Variants in RABGAP1L observed in about 807,000 individuals in gnomAD.
RABGAP1L encodes the protein rab GTPase-activating protein 1-like.
Under a neutral mutation model 137.7 loss-of-function variants are expected in RABGAP1L, and 63 were observed. That is an observed-to-expected ratio of 0.46 (90% CI 0.37 to 0.56). The LOEUF (loss-of-function observed/expected upper bound fraction) is 0.56, where lower values mean the gene tolerates loss of function less well. RABGAP1L is among the 20% of genes least tolerant of loss of function. The probability of loss-of-function intolerance (pLI) is 0.00; values close to 1 mark genes in which losing one functional copy is unlikely to be tolerated. For missense variants in RABGAP1L, 1,095 were observed against 1,244.0 expected, an observed-to-expected ratio of 0.88 and a Z score of 1.80; for synonymous variants, 431 against 433.7, an observed-to-expected ratio of 0.99 and a Z score of 0.08.
chr1:174,245,884 C>T (rs1672214573), intron 5 of RABGAP1L: 1 of 152,106 alleles, frequency 6.6e-6, no homozygotes, highest in Admixed American at 6.6e-5. Context: ...GATCCACCTG[C>T]CTCAGCCTCC....
intron 10 of RABGAP1L, among the ~76,000 whole-genome samples, chr1:174,296,869 C>T (rs1677174822): frequency 6.6e-6 from 1 of 152,082 alleles, no homozygotes; most frequent in Admixed American, 6.5e-5. Context: ...CATCTTTATC[C>T]ATAAGGTGTT....
chr1:174,350,131 G>A (rs375497497), intron 11 of RABGAP1L, among the ~76,000 whole-genome samples: 4 of 109,130 alleles, frequency 3.7e-5, no homozygotes, highest in African/African-American at 1.2e-4. Context: ...CTGGCCGGGT[G>A]GGGGGGCTGA....
intron 1 of RABGAP1L, among the ~76,000 whole-genome samples, chr1:174,187,620 G>A (rs1479840859): frequency 3.9e-5 from 6 of 152,102 alleles, no homozygotes; most frequent in Non-Finnish European, 2.9e-5. Context: ...TGCTAATACT[G>A]AAGAGAATAA....
rs79550461 is a variant in RABGAP1L at position 174,788,194 on chromosome 1, C to T, written c.2212-23638C>T. ...ACTTCATTAATAATTAGACTTGCGA[C>T]GAAAGTAACCAGTTCAAGTGATCTT... On this transcript the variant is annotated intron_variant, in intron 18 of 25. Transcript: ENST00000681986. Among the ~76,000 whole-genome samples the T allele has an allele frequency of 3.9e-3, 595 of 152,284 alleles. 4 individuals carry two copies. The highest frequency in any genetic ancestry group is 0.014 in the African/African-American group (565 of 41,560).
intron 19 of RABGAP1L, among the ~76,000 whole-genome samples, chr1:174,932,003 T>G (rs1427526376): frequency 2.1e-5 from 3 of 144,566 alleles, no homozygotes; most frequent in South Asian, 2.1e-4. Flanking sequence ...TTTTTTTTTT[T>G]TTTTTTTTTT....
intron 13 of RABGAP1L, among the ~76,000 whole-genome samples, chr1:174,430,704 C>T (rs376479144): frequency 1.3e-5 from 2 of 152,150 alleles, no homozygotes; most frequent in African/African-American, 4.8e-5. Context: ...TCCCACTGTT[C>T]TTGGAAGTCA....
chr1:174,272,563 G>A (rs1400421610), intron 8 of RABGAP1L, 83 bp downstream of exon 8: 2 of 1,396,212 alleles, frequency 1.4e-6, no homozygotes, highest in African/African-American at 1.5e-5. Flanking sequence ...TACAAATTTT[G>A]TCATATTGTC....
chr1:174,818,876 G>T (rs911725097), intron 19 of RABGAP1L, among the ~76,000 whole-genome samples: 8 of 151,910 alleles, frequency 5.3e-5, no homozygotes, highest in Non-Finnish European at 8.8e-5. Context: ...AATTAGCCAG[G>T]CATGGTGACA....
intron 11 of RABGAP1L, among the ~76,000 whole-genome samples, chr1:174,306,082 A>G (rs1420753196): frequency 6.6e-6 from 1 of 152,182 alleles, no homozygotes; most frequent in East Asian, 1.9e-4. Flanking sequence ...TGTCCCTACA[A>G]AGGACATGAA....
At chr1:174,625,046 A>G (rs1357649723) in intron 13 of RABGAP1L, among the ~76,000 whole-genome samples, 1 of 151,264 alleles carries the variant, frequency 6.6e-6, no homozygotes, top group Non-Finnish European at 1.5e-5. Context: ...TAATTTTTGT[A>G]TTTTTTTAGT....
At chr1:174,874,381 C>A in intron 19 of RABGAP1L, 1 of 747,732 alleles carries the variant, frequency 1.3e-6, no homozygotes, top group Non-Finnish European at 1.6e-6. Context: ...AAACTGAAAC[C>A]TAGCGAAGTT....
chr1:174,451,233 T>C (rs1655405152), intron 13 of RABGAP1L, among the ~76,000 whole-genome samples: 1 of 152,232 alleles, frequency 6.6e-6, no homozygotes, highest in South Asian at 2.1e-4. Flanking sequence ...GGAAGTGTAC[T>C]GCTAACATTT....
At chr1:174,471,402 C>A (rs1657920961) in intron 13 of RABGAP1L, among the ~76,000 whole-genome samples, 1 of 152,102 alleles carries the variant, frequency 6.6e-6, no homozygotes, top group Non-Finnish European at 1.5e-5. Context: ...ACCCAGTATA[C>A]CTGTTAGTAA....
intron 17 of RABGAP1L, among the ~76,000 whole-genome samples, chr1:174,742,447 G>A (rs1683523665): frequency 6.6e-6 from 1 of 152,162 alleles, no homozygotes; most frequent in South Asian, 2.1e-4. Flanking sequence ...AGCCCAGGAG[G>A]CGGAGGTTGC....
chr1:174,440,938 C>T (rs1654059058), intron 13 of RABGAP1L, among the ~76,000 whole-genome samples: 1 of 151,952 alleles, frequency 6.6e-6, no homozygotes. Flanking sequence ...ATCCTATTTG[C>T]CATTGATGGC....
intron 13 of RABGAP1L, among the ~76,000 whole-genome samples, chr1:174,450,169 A>G (rs1182963770): frequency 6.6e-6 from 1 of 152,158 alleles, no homozygotes; most frequent in Non-Finnish European, 1.5e-5. Flanking sequence ...ATTGTAATGC[A>G]GATGCAGGAT....
At chr1:174,437,248 G>C (rs1363470661) in intron 13 of RABGAP1L, among the ~76,000 whole-genome samples, 1 of 152,164 alleles carries the variant, frequency 6.6e-6, no homozygotes, top group Non-Finnish European at 1.5e-5. Flanking sequence ...AGAGAGGAAG[G>C]CTTCAGAAGA....
At chr1:174,615,889 A>G (rs1671798622) in intron 13 of RABGAP1L, among the ~76,000 whole-genome samples, 1 of 152,242 alleles carries the variant, frequency 6.6e-6, no homozygotes, top group African/African-American at 2.4e-5. Context: ...AGCCAGGTGC[A>G]GGATATAATC....
At chr1:174,360,036 A>T (rs752588061) in intron 11 of RABGAP1L, among the ~76,000 whole-genome samples, 2 of 152,156 alleles carry the variant, frequency 1.3e-5, no homozygotes, top group Non-Finnish European at 2.9e-5. Context: ...TTTTACTTCA[A>T]ATTGTGCTTA....
Sources: allele counts gnomAD v4.1 joint callset (sites outside exome capture counted in the v4.1 genomes callset), GRCh38; gene constraint gnomAD v4.1.1; transcripts MANE v1.5; gene names NCBI Gene and HGNC (gene_info 2026-07-23, HGNC 2026-07-21).